Variants in MAMDC2 observed in about 807,000 individuals in gnomAD.
MAMDC2 encodes the protein MAM domain-containing protein 2.
A neutral mutation model predicts 89.8 loss-of-function variants in MAMDC2; 57 were observed. The ratio of observed to expected loss-of-function variants is 0.63; its 90% confidence interval spans 0.51 to 0.79. MAMDC2 has a LOEUF of 0.79. Ranked by LOEUF, MAMDC2 falls within the 30% of genes least tolerant of loss-of-function variation. The pLI is 0.00. For missense variants in MAMDC2, 800 were observed against 820.6 expected (o/e 0.97, Z 0.31); for synonymous variants, 313 against 293.4 (o/e 1.07, Z -0.68).
At chr9:70,219,270 T>C (rs188175446) in intron 12 of MAMDC2, among the ~76,000 whole-genome samples, 112 of 152,330 alleles carry the variant, frequency 7.4e-4, no homozygotes, top group African/African-American at 2.5e-3. Context: ...TGCCTTCTGA[T>C]AGCCACAGAT....
chr9:70,049,776 G>A lies in MAMDC2; in HGVS notation c.148+5079G>A, dbSNP rs2975918. 2.6e-5 allele frequency among the ~76,000 whole-genome samples: 4 copies of A among 152,140 alleles called. No individual in the cohort carries two copies. The South Asian group carries it at 6.2e-4, about 24-fold the overall frequency. ...CTTGCAGTATCACATGCCATTTCCC[G>A]CTGCTGCCCTGGCTGTGACTGCTCT... On this transcript the variant is annotated intron_variant, in intron 2 of 13. Coordinates refer to ENST00000377182, the MANE Select transcript of MAMDC2 (RefSeq NM_153267.5).
At position 70,218,503 on chromosome 9, in the gene MAMDC2, C is replaced by T. The variant is rs770833693; in HGVS notation, c.1818C>T (p.Asp606=). The T allele has an allele frequency of 5.0e-6, 8 of 1,614,162 alleles. No individual in the cohort carries two copies. The East Asian group carries it at 1.8e-4, about 36-fold the overall frequency. ...LLSVYLKKEE[D]SEESLLWRRR... ...GTGTTTATCTGAAAAAGGAAGAAGA[C>T]AGTGAAGAGTCCCTCTTATGGAGGA... Residue 606 remains aspartate (D), a synonymous_variant, in exon 12 of 14, where the codon GAC becomes GAT. Transcript: ENST00000377182.
chr9:70,114,518 G>A (rs952222650), intron 5 of MAMDC2, among the ~76,000 whole-genome samples: 1 of 152,012 alleles, frequency 6.6e-6, no homozygotes, highest in Non-Finnish European at 1.5e-5. Flanking sequence ...CTTCTATTTT[G>A]CAACCTTCAT....
intron 2 of MAMDC2, among the ~76,000 whole-genome samples, chr9:70,100,774 C>T (rs1172659675): frequency 3.3e-5 from 5 of 152,172 alleles, no homozygotes; most frequent in Non-Finnish European, 5.9e-5. Flanking sequence ...TAAAGTGAAA[C>T]GAATGAGGCC....
intron 2 of MAMDC2, among the ~76,000 whole-genome samples, chr9:70,066,906 G>T (rs1827279265): frequency 6.6e-6 from 1 of 152,208 alleles, no homozygotes. Flanking sequence ...AATGAATTAA[G>T]TTCATCAATA....
intron 11 of MAMDC2, among the ~76,000 whole-genome samples, chr9:70,189,001 C>T (rs1407955886): frequency 6.6e-6 from 1 of 152,072 alleles, no homozygotes; most frequent in South Asian, 2.1e-4. Context: ...ATTATTCTAT[C>T]ATGAATATGG....
intron 11 of MAMDC2, chr9:70,217,449 A>C (rs2033470477): frequency 7.3e-7 from 1 of 1,366,736 alleles, no homozygotes; most frequent in African/African-American, 1.4e-5. Flanking sequence ...TTACTGGTGC[A>C]TCTCTTGCTG....
At chr9:70,170,880 A>C (rs2032318527) in intron 11 of MAMDC2, 3 of 395,230 alleles carry the variant, frequency 7.6e-6, no homozygotes, top group African/African-American at 2.1e-5. Context: ...CACACAAAGA[A>C]TAGAAGTAAG....
At chr9:70,166,274 T>C (rs376148194) in intron 9 of MAMDC2, among the ~76,000 whole-genome samples, 9,350 of 48,926 alleles carry the variant, frequency 0.19, 425 homozygotes, top group East Asian at 0.49. Context: ...TATATATATA[T>C]ATACACACAC....
chr9:70,095,199 A>G (rs562324972), intron 2 of MAMDC2, among the ~76,000 whole-genome samples: 1 of 152,336 alleles, frequency 6.6e-6, no homozygotes, highest in South Asian at 2.1e-4. Flanking sequence ...TATGCGAGCC[A>G]GAACACCAAG....
chr9:70,209,600 A>ATT (rs139859534), intron 11 of MAMDC2, among the ~76,000 whole-genome samples: 6 of 151,896 alleles, frequency 4.0e-5, no homozygotes, highest in East Asian at 1.9e-4. Flanking sequence ...GGATTCACTG[A>ATT]TTTTTTTGAA....
intron 2 of MAMDC2, chr9:70,092,379 T>C (rs2118181252): frequency 6.6e-6 from 1 of 152,352 alleles, no homozygotes; most frequent in South Asian, 2.1e-4. Flanking sequence ...ATAAAGACTA[T>C]TTTGCAAGTG....
At chr9:70,118,297 AACAC>A (rs6151026) in intron 5 of MAMDC2, among the ~76,000 whole-genome samples, 3,646 of 140,346 alleles carry the variant, frequency 0.026, 67 homozygotes, top group Non-Finnish European at 0.037. Flanking sequence ...ATCCCCACTC[AACAC>A]ACACACACAC....
chr9:70,066,484 G>A (rs1827267399), intron 2 of MAMDC2, among the ~76,000 whole-genome samples: 1 of 152,146 alleles, frequency 6.6e-6, no homozygotes, highest in Non-Finnish European at 1.5e-5. Flanking sequence ...TCGCAGGCTG[G>A]TGTAGGTAGT....
At chr9:70,113,208 T>C (rs1828558113) in intron 5 of MAMDC2, 76 bp downstream of exon 5, 1 of 1,518,010 alleles carries the variant, frequency 6.6e-7, no homozygotes, top group Non-Finnish European at 9.0e-7. Context: ...TGCACTGACC[T>C]AGCTGTGGCT....
intron 11 of MAMDC2, among the ~76,000 whole-genome samples, chr9:70,200,881 G>T (rs1563996975): frequency 7.6e-6 from 1 of 131,252 alleles, no homozygotes; most frequent in Admixed American, 8.0e-5. Flanking sequence ...AAGAATGCTT[G>T]TGATTTTTGT....
intron 5 of MAMDC2, 59 bp downstream of exon 5, chr9:70,113,191 C>T: frequency 6.4e-7 from 1 of 1,571,944 alleles, no homozygotes; most frequent in African/African-American, 1.3e-5. Flanking sequence ...TGTCTCCTCC[C>T]ACTTCCTGCA....
intron 5 of MAMDC2, among the ~76,000 whole-genome samples, chr9:70,124,600 G>A (rs1329154430): frequency 6.6e-6 from 1 of 152,046 alleles, no homozygotes; most frequent in Non-Finnish European, 1.5e-5. Flanking sequence ...CCACATACCG[G>A]GCTATGTACT....
At chr9:70,195,030 G>A (rs1439186004) in intron 11 of MAMDC2, among the ~76,000 whole-genome samples, 1 of 151,962 alleles carries the variant, frequency 6.6e-6, no homozygotes, top group East Asian at 1.9e-4. Flanking sequence ...TATTTCACAG[G>A]TTTACAGCTA....
Sources: allele counts gnomAD v4.1 joint callset (sites outside exome capture counted in the v4.1 genomes callset), GRCh38; gene constraint gnomAD v4.1.1; transcripts MANE v1.5; gene names NCBI Gene and HGNC (gene_info 2026-07-23, HGNC 2026-07-21).